Variants in GPRIN2 observed in about 807,000 individuals in gnomAD.
GPRIN2 encodes the protein G protein regulated inducer of neurite outgrowth 2.
In GPRIN2, 1 loss-of-function variant was observed where a neutral mutation model predicts 0.3. The observed-to-expected ratio is 3.90, with a 90% CI of 1.39 to 18.51. The LOEUF is 18.51. GPRIN2 is among the 30% of genes most tolerant of loss of function. The pLI, the probability that GPRIN2 is intolerant of heterozygous loss-of-function variation, is 0.11. For missense variants in GPRIN2, 880 were observed against 604.2 expected (o/e 1.46, Z -4.79); for synonymous variants, 361 against 258.6 (o/e 1.40, Z -3.80).
intron 1 of GPRIN2, among the ~76,000 whole-genome samples, chr10:46,556,154 G>T (rs1843194265): frequency 6.6e-6 from 1 of 152,310 alleles, no homozygotes; most frequent in Admixed American, 6.5e-5. Context: ...CTGGGGGCGG[G>T]GTAGGCGGCG....
At chr10:46,551,461 C>T in intron 2 of GPRIN2, 1 of 985,524 alleles carries the variant, frequency 1.0e-6, no homozygotes, top group Non-Finnish European at 1.2e-6. Context: ...CAGCTTTTTC[C>T]ATGAGGGACT....
intron 2 of GPRIN2, 84 bp from the exon 3 acceptor site, chr10:46,550,826 A>G: frequency 1.4e-6 from 2 of 1,391,672 alleles, no homozygotes; most frequent in Non-Finnish European, 9.5e-7. Flanking sequence ...CCACAGTGCT[A>G]GGTTCACCAG....
Position 46,551,663 on chromosome 10 carries a change from A to C in GPRIN2, c.-6-921T>G, listed in dbSNP as rs1832173582. The stretch of plus-strand genomic sequence containing the variant: ...CCTGACATTTAATCCCCTCTTGCCC[A>C]GTGTACCTGCATCCTCATTGTCCCC... On this transcript the variant is annotated intron_variant, in intron 2 of 2. Transcript: ENST00000374314. Among the ~76,000 whole-genome samples the C allele has an allele frequency of 6.8e-4, 104 of 152,346 alleles. No homozygotes were observed. In the East Asian group the frequency reaches 0.017, roughly 25 times the overall value.
chr10:46,552,086 C>T (rs1289732353), intron 2 of GPRIN2, among the ~76,000 whole-genome samples: 4 of 152,428 alleles, frequency 2.6e-5, no homozygotes, highest in African/African-American at 4.8e-5. Flanking sequence ...GGGAGGGCAC[C>T]ACCAAGGCAG....
In GPRIN2 at chr10:46,541,913, GCC is replaced by G. The variant is rs1217381388; in HGVS notation, c.*7445_*7446del. ...TGTGTCCACACCCCTGCTGGTTCCT[GCC>G]CCACCCCTTCCCCCAGCCCAGGAGG... On this transcript the variant is annotated 3_prime_UTR_variant, in exon 3 of 3. Coordinates refer to ENST00000374314, the MANE Select transcript of GPRIN2 (RefSeq NM_001385282.1). 6.6e-6 allele frequency among the ~76,000 whole-genome samples: 1 copy of G among 152,274 alleles called. No homozygotes were observed. The highest frequency in any genetic ancestry group is 1.5e-5 in the Non-Finnish European group (1 of 68,050).
At chr10:46,555,630 G>A (rs1843108753) in intron 1 of GPRIN2, 2 of 154,052 alleles carry the variant, frequency 1.3e-5, no homozygotes. Flanking sequence ...AAAGGGTTCT[G>A]GGGTAACTGT....
In GPRIN2 at chr10:46,550,741, G is replaced by C. The variant is rs1832258166; in HGVS notation, c.-5C>G. ...CTCGGGGCGGCTGGAGCTCATGGCTGCCTGCAGAAGAGAGAAAGGGAGGGA... is the reference window on the plus strand; with the variant it reads ...CTCGGGGCGGCTGGAGCTCATGGCTCCCTGCAGAAGAGAGAAAGGGAGGGA... On this transcript the variant is annotated splice_region_variant and 5_prime_UTR_variant, in exon 3 of 3. Transcript: ENST00000374314. 3.3e-6 allele frequency: 5 copies of C among 1,502,944 alleles called. No individual in the cohort carries two copies. In the East Asian group the frequency reaches 1.2e-4, roughly 35 times the overall value. 93.1% of individuals were successfully genotyped at this position (1,502,944 alleles called of 1,614,324 possible).
In GPRIN2 at chr10:46,550,465, C is replaced by T. The variant is rs1832361089; in HGVS notation, c.272G>A (p.Trp91Ter). Residue 91 changes from tryptophan (W) to a stop codon, truncating the protein, a stop_gained, in exon 3 of 3, where the codon TGG becomes TAG. Transcript: ENST00000374314. LOFTEE classifies it low-confidence loss of function (END_TRUNC). ...GGACACATTGCCCACAGTGCTGCTC[C>T]ACCAGTGGCCTCCAGCACTGGGTCG... Reference protein sequence around the residue: ...KARPSAGGHWWSSTVGNVSTM... With the variant: ...KARPSAGGHW 2.3e-5 allele frequency: 37 copies of T among 1,611,736 alleles called. No individual in the cohort carries two copies. The East Asian group carries it at 4.2e-4, about 18-fold the overall frequency.
At chr10:46,551,717 C>T (rs1250015169) in intron 2 of GPRIN2, among the ~76,000 whole-genome samples, 5 of 152,304 alleles carry the variant, frequency 3.3e-5, no homozygotes, top group East Asian at 1.9e-4. Context: ...TGTCACTTCC[C>T]CCAGCCATAA....
In GPRIN2 at chr10:46,550,068, G is replaced by A; in HGVS notation, c.669C>T (p.Thr223=). Residue 223 remains threonine, a synonymous_variant, in exon 3 of 3, where the codon ACC becomes ACT. Coordinates refer to ENST00000374314, the MANE Select transcript of GPRIN2 (RefSeq NM_001385282.1). ...AEPKAAEQLA[T]TTCHALPPAA... Reference sequence around the variant, plus strand: ...CTGGGGGCAGAGCATGGCAGGTGGTGGTAGCCAGCTGTTCAGCAGCTTTGG... The same window carrying A: ...CTGGGGGCAGAGCATGGCAGGTGGTAGTAGCCAGCTGTTCAGCAGCTTTGG... 6.2e-7 allele frequency: 1 copy of A among 1,613,732 alleles called. No homozygotes were observed. The highest frequency in any genetic ancestry group is 8.5e-7 in the Non-Finnish European group (1 of 1,179,974).
At chr10:46,557,389 C>T (rs142818186), upstream of GPRIN2, among the ~76,000 whole-genome samples, 1,375 of 151,346 alleles carry the variant, frequency 9.1e-3, no homozygotes, top group African/African-American at 0.032. Flanking sequence ...TGGTAGACTC[C>T]TTCCCTAGGG....
chr10:46,557,064 C>A (rs1485816920), upstream of GPRIN2, among the ~76,000 whole-genome samples: 1 of 151,812 alleles, frequency 6.6e-6, no homozygotes, highest in Non-Finnish European at 1.5e-5. Context: ...CACCACGCCC[C>A]GCATTGAGGT....
At chr10:46,555,896 G>T (rs1342141114) in intron 1 of GPRIN2, among the ~76,000 whole-genome samples, 2 of 152,310 alleles carry the variant, frequency 1.3e-5, no homozygotes, top group Non-Finnish European at 2.9e-5. Flanking sequence ...CACTCTGCAC[G>T]CCAAGCACAG....
Position 46,549,791 on chromosome 10 carries a change from T to A in GPRIN2, c.946A>T (p.Met316Leu). ...GGGGCCAAGTCATTGGCTGAGGTCA[T>A]GGTCCACACATCTTTGGTCCTAGAG... ...PGSRTKDVWT[M>L]TSANDLAPAE... The change falls in exon 3 of 3, where the codon ATG becomes TTG. Residue 316 changes from methionine (M) to leucine (L), a missense_variant. By Grantham distance (15) the Met-to-Leu change is conservative. Transcript: ENST00000374314. The A allele has an allele frequency of 1.2e-6, 2 of 1,614,172 alleles. No homozygotes were observed. Among genetic ancestry groups the A allele is most frequent in the Non-Finnish European group, 1.7e-6 (2 of 1,180,044 alleles).
At chr10:46,556,101 C>G (rs1831859501) in intron 1 of GPRIN2, among the ~76,000 whole-genome samples, 1 of 152,308 alleles carries the variant, frequency 6.6e-6, no homozygotes, top group Admixed American at 6.5e-5. Flanking sequence ...GGCTGTGGGC[C>G]GGGGTAATGA....
In GPRIN2 at chr10:46,547,814, T is replaced by C. The variant is rs1842303122; in HGVS notation, c.*1546A>G. On this transcript the variant is annotated 3_prime_UTR_variant, in exon 3 of 3. Coordinates refer to ENST00000374314, the MANE Select transcript of GPRIN2 (RefSeq NM_001385282.1). Reference sequence around the variant, plus strand: ...CCCAGAATCCCAAGGGGTGCACCTATGCATATGGGAAAGGCATGTTTACGG... The same window carrying C: ...CCCAGAATCCCAAGGGGTGCACCTACGCATATGGGAAAGGCATGTTTACGG... Among the ~76,000 whole-genome samples the C allele has an allele frequency of 6.6e-6, 1 of 152,304 alleles. No individual in the cohort carries two copies. Among genetic ancestry groups the C allele is most frequent in the African/African-American group, 2.4e-5 (1 of 41,484 alleles).
Position 46,556,646 on chromosome 10 carries a change from A to C in GPRIN2, c.-266T>G, listed in dbSNP as rs1555026210. Among the ~76,000 whole-genome samples the C allele has an allele frequency of 0.84, 127,657 of 151,716 alleles. 51,801 individuals carry two copies. The highest frequency in any genetic ancestry group is 0.95 in the East Asian group (4,927 of 5,184). On this transcript the variant is annotated 5_prime_UTR_variant, in exon 1 of 3. Transcript: ENST00000374314. ...CCGCCGTCGGCCCGGCCCGCGGAGCAAGCGCCGGGTACAGGGAGGGGCCAG... is the reference window on the plus strand; with the variant it reads ...CCGCCGTCGGCCCGGCCCGCGGAGCCAGCGCCGGGTACAGGGAGGGGCCAG...
rs1832368411 is a variant in GPRIN2, at chr10:46,550,432, C to T, written c.305G>A (p.Gly102Asp). The T allele has an allele frequency of 1.9e-6, 3 of 1,611,882 alleles. No homozygotes were observed. The highest frequency in any genetic ancestry group is 1.1e-5 in the South Asian group (1 of 90,988). ...SSTVGNVSTM[G>D]GSDLCRLRAP... ...CCGCAGGCGACACAGGTCACTGCCG[C>T]CCATGGTGGACACATTGCCCACAGT... is the stretch of plus-strand genomic sequence containing the variant. Residue 102 changes from glycine (G) to aspartate (D), a missense_variant, in exon 3 of 3, where the codon GGC becomes GAC. Transcript: ENST00000374314.
In GPRIN2 at chr10:46,550,676, G is replaced by C. The variant is rs782466713; in HGVS notation, c.61C>G (p.Leu21Val). Residue 21 changes from leucine to valine, a missense_variant, in exon 3 of 3, where the codon CTG becomes GTG. Coordinates refer to ENST00000374314, the MANE Select transcript of GPRIN2 (RefSeq NM_001385282.1). Reference sequence around the variant, plus strand: ...AGCAGGCTGGAAGAGCTCTGGGACAGGGGCTGAAGGCGGGGGCTCAGGGGT... The same window carrying C: ...AGCAGGCTGGAAGAGCTCTGGGACACGGGCTGAAGGCGGGGGCTCAGGGGT... ...WAPLSPRLQP[L>V]SQSSSSLLGE... 1.3e-6 allele frequency: 2 copies of C among 1,521,860 alleles called. No homozygotes were observed. The highest frequency in any genetic ancestry group is 2.3e-5 in the East Asian group (1 of 43,466). The allele number at this position is 1,521,860 out of a possible 1,614,324, so 94.3% of individuals were successfully genotyped here.
Sources: gnomAD v4.1 joint callset for allele counts (sites outside exome capture counted in the v4.1 genomes callset) on GRCh38, gnomAD v4.1.1 for gene constraint, MANE v1.5 for transcripts, NCBI Gene and HGNC (gene_info 2026-07-23, HGNC 2026-07-21) for gene names.